Variants in ASAP2 observed in about 807,000 individuals in gnomAD.
ASAP2 encodes arf-GAP with SH3 domain, ANK repeat and PH domain-containing protein 2.
In ASAP2, 45 loss-of-function variants were observed where a neutral mutation model predicts 131.4. The observed-to-expected ratio is 0.34, with a 90% confidence interval of 0.27 to 0.44. The LOEUF (loss-of-function observed/expected upper bound fraction) is 0.44, where lower values mean the gene tolerates loss of function less well. Ranked by LOEUF, ASAP2 falls within the 20% of genes least tolerant of loss-of-function variation. ASAP2 has a pLI of 1.00. For synonymous variants in ASAP2, 510 were observed against 503.0 expected (o/e 1.01, Z -0.19); for missense variants, 1,011 against 1,297.0 (o/e 0.78, Z 3.39).
chr2:9,396,747 A>G (rs149697914), intron 24 of ASAP2, among the ~76,000 whole-genome samples: 2,280 of 152,318 alleles, frequency 0.015, 57 homozygotes, highest in African/African-American at 0.052. Flanking sequence ...CACACCTACA[A>G]TCCCAGCACT....
chr2:9,229,347 C>T (rs921732196), intron 1 of ASAP2, among the ~76,000 whole-genome samples: 2 of 152,040 alleles, frequency 1.3e-5, no homozygotes, highest in African/African-American at 4.8e-5. Flanking sequence ...GCCTCAGCCC[C>T]ACCTCTGTTG....
chr2:9,215,539 A>G (rs1661956927), intron 1 of ASAP2, among the ~76,000 whole-genome samples: 1 of 152,164 alleles, frequency 6.6e-6, no homozygotes, highest in Non-Finnish European at 1.5e-5. Context: ...TGTAATTGAA[A>G]GATACGATAA....
intron 12 of ASAP2, among the ~76,000 whole-genome samples, 198 bp downstream of exon 12, chr2:9,351,093 A>C (rs1465786349): frequency 2.0e-5 from 3 of 152,186 alleles, no homozygotes; most frequent in African/African-American, 7.2e-5. Context: ...TTTGACTTTG[A>C]GGGCTGGCCC....
rs1455054582 is a variant in ASAP2 at position 9,214,606 on chromosome 2, C to G, written c.126+7376C>G. 3.3e-5 allele frequency among the ~76,000 whole-genome samples: 5 copies of G among 152,270 alleles called. No homozygotes were observed. The East Asian group carries it at 5.8e-4, about 18-fold the overall frequency. The stretch of plus-strand genomic sequence containing the variant: ...TCAACAATGTCTTGGAATAAACAGA[C>G]TACCAACCCGAGCTGGAATACTTGG... On this transcript the variant is annotated intron_variant, in intron 1 of 27. Transcript: ENST00000281419.
chr2:9,344,105 G>T (rs1309861679), intron 9 of ASAP2, among the ~76,000 whole-genome samples: 2 of 152,208 alleles, frequency 1.3e-5, no homozygotes, highest in Non-Finnish European at 2.9e-5. Context: ...GAGAGCTTAT[G>T]TGATGGTTCT....
At position 9,297,349 on chromosome 2, in the gene ASAP2, C is replaced by T. The variant is rs369806962; in HGVS notation, c.249C>T (p.Gly83=). The change falls in exon 3 of 28, where the codon GGC becomes GGT. Residue 83 remains glycine, a synonymous_variant. Coordinates refer to ENST00000281419, the MANE Select transcript of ASAP2 (RefSeq NM_003887.3). The part of the protein sequence containing the change: ...EQYTQALEKF[G]GNCVCRDDPD... ...ACACCCAGGCTCTGGAGAAGTTTGG[C>T]GGCAACTGTGTATGCAGAGATGACC... 28 of 1,613,942 alleles carry T rather than the reference C, an allele frequency of 1.7e-5. No individual in the cohort carries two copies. The African/African-American group carries it at 2.9e-4, about 17-fold the overall frequency.
intron 6 of ASAP2, 96 bp downstream of exon 6, chr2:9,323,346 A>C: frequency 6.6e-7 from 1 of 1,520,144 alleles, no homozygotes; most frequent in Non-Finnish European, 8.9e-7. Flanking sequence ...GCTTCAGAGA[A>C]AACACCACAT....
At chr2:9,320,855 T>G (rs1217406578) in intron 5 of ASAP2, among the ~76,000 whole-genome samples, 4 of 152,226 alleles carry the variant, frequency 2.6e-5, no homozygotes, top group African/African-American at 9.6e-5. Context: ...GATTCTTGGA[T>G]GTGAACTACG....
chr2:9,379,055 G>A lies in ASAP2; in HGVS notation c.1944G>A (p.Glu648=), dbSNP rs781617521. 6.4e-7 allele frequency: 1 copy of A among 1,553,632 alleles called. No homozygotes were observed. Among genetic ancestry groups the A allele is most frequent in the Non-Finnish European group, 8.7e-7 (1 of 1,148,890 alleles). Reference sequence around the variant, plus strand: ...TCCTGCGGGGGAAGGCCTCCATCGAGATAGGTGAGTGGGCCCGGGCCCCGG... The same window carrying A: ...TCCTGCGGGGGAAGGCCTCCATCGAAATAGGTGAGTGGGCCCGGGCCCCGG... ...KLLLRGKASI[E]IANESGETPL... Residue 648 remains glutamate, a synonymous_variant, in exon 19 of 28, where the codon GAG becomes GAA. Coordinates refer to ENST00000281419, the MANE Select transcript of ASAP2 (RefSeq NM_003887.3).
intron 11 of ASAP2, 22 bp downstream of exon 11, chr2:9,344,822 A>G: frequency 6.2e-7 from 1 of 1,601,216 alleles, no homozygotes; most frequent in East Asian, 2.2e-5. Flanking sequence ...CTTTTAATCC[A>G]TGGTGTCTGC....
chr2:9,216,735 G>C lies in ASAP2; in HGVS notation c.126+9505G>C, dbSNP rs576777161. 3.3e-5 allele frequency among the ~76,000 whole-genome samples: 5 copies of C among 151,692 alleles called. No individual in the cohort carries two copies. The East Asian group carries it at 7.8e-4, about 24-fold the overall frequency. ...CTTGGCCTCCCAAAGTGCTGGGATTGCAAGTGTGAGCCACCATGCCCGGTC... is the reference window on the plus strand; with the variant it reads ...CTTGGCCTCCCAAAGTGCTGGGATTCCAAGTGTGAGCCACCATGCCCGGTC... On this transcript the variant is annotated intron_variant, in intron 1 of 27. Transcript: ENST00000281419.
chr2:9,320,240 C>T (rs755385620), intron 4 of ASAP2, 48 bp from the exon 5 acceptor site: 2 of 1,489,570 alleles, frequency 1.3e-6, no homozygotes, highest in Admixed American at 3.4e-5. Context: ...TTATCTTGCA[C>T]AGAAGTGAAT....
At chr2:9,391,252 G>T in intron 23 of ASAP2, 56 bp downstream of exon 23, 1 of 1,561,470 alleles carries the variant, frequency 6.4e-7, no homozygotes, top group South Asian at 1.2e-5. Flanking sequence ...TCTGGATGGC[G>T]GGGGGTGCTC....
At chr2:9,394,923 C>T (rs1414634384) in intron 24 of ASAP2, among the ~76,000 whole-genome samples, 1 of 152,198 alleles carries the variant, frequency 6.6e-6, no homozygotes, top group Admixed American at 6.5e-5. Context: ...TCTTCACGCC[C>T]CCCGTGGTAG....
At chr2:9,238,276 A>C (rs990579501) in intron 1 of ASAP2, among the ~76,000 whole-genome samples, 4 of 152,192 alleles carry the variant, frequency 2.6e-5, no homozygotes, top group Non-Finnish European at 4.4e-5. Context: ...CTCTTATGTT[A>C]TATCTTGGGC....
In ASAP2 at chr2:9,400,709, G is replaced by T. The variant is rs573990000; in HGVS notation, c.2735-33G>T. 1.7e-5 allele frequency: 27 copies of T among 1,556,678 alleles called. No individual in the cohort carries two copies. In the East Asian group the frequency reaches 5.4e-4, roughly 31 times the overall value. ...TACATCTCATGGCTGTGATTGATGG[G>T]ATGTCTTAAGCTGCTTCATTTTTGC... On this transcript the variant is annotated intron_variant, in intron 25 of 27. Transcript: ENST00000281419.
chr2:9,327,198 C>A (rs1670537393), intron 6 of ASAP2, among the ~76,000 whole-genome samples: 1 of 151,504 alleles, frequency 6.6e-6, no homozygotes, highest in African/African-American at 2.4e-5. Flanking sequence ...GGGGACATTC[C>A]ATTTCAGAGA....
intron 1 of ASAP2, among the ~76,000 whole-genome samples, chr2:9,233,775 C>G (rs950871510): frequency 9.2e-5 from 14 of 152,190 alleles, no homozygotes; most frequent in Non-Finnish European, 1.8e-4. Context: ...ATCCTTACAA[C>G]AACCCTGTGG....
At chr2:9,267,569 A>T (rs1666025530) in intron 1 of ASAP2, among the ~76,000 whole-genome samples, 1 of 152,056 alleles carries the variant, frequency 6.6e-6, no homozygotes, top group Admixed American at 6.6e-5. Context: ...GGTTGATTCC[A>T]TGTCTTTGCT....
Sources: gnomAD v4.1 joint callset for allele counts (sites outside exome capture counted in the v4.1 genomes callset) on GRCh38, gnomAD v4.1.1 for gene constraint, MANE v1.5 for transcripts, NCBI Gene and HGNC (gene_info 2026-07-23, HGNC 2026-07-21) for gene names.